The following KMT2C variants were observed in gnomAD, a reference collection of about 807,000 sequenced individuals.
KMT2C encodes the protein histone-lysine N-methyltransferase 2C.
In KMT2C, 88 loss-of-function variants were observed where a neutral mutation model predicts 507.9. The ratio of observed to expected loss-of-function variants is 0.17; its 90% CI spans 0.15 to 0.21. KMT2C has a LOEUF of 0.21. Ranked by LOEUF, KMT2C falls within the 10% of genes least tolerant of loss-of-function variation. The pLI is 1.00. For synonymous variants in KMT2C, 2,049 were observed against 2,080.8 expected, an observed-to-expected ratio of 0.98 and a Z score of 0.42; for missense variants, 4,954 against 5,957.8, an observed-to-expected ratio of 0.83 and a Z score of 5.55.
chr7:152,374,775 T>C (rs2097315806), intron 1 of KMT2C, among the ~76,000 whole-genome samples: 1 of 151,648 alleles, frequency 6.6e-6, no homozygotes. Context: ...GGCACACTCC[T>C]GTAATCCCAG....
intron 6 of KMT2C, among the ~76,000 whole-genome samples, chr7:152,307,448 C>T (rs1017253033): frequency 3.3e-5 from 5 of 152,022 alleles, no homozygotes; most frequent in Non-Finnish European, 7.4e-5. Flanking sequence ...CGACACAAAA[C>T]TGACACTCCT....
intron 10 of KMT2C, 29 bp from the exon 11 acceptor site, chr7:152,252,119 A>T (rs761529331): frequency 6.6e-7 from 1 of 1,520,112 alleles, no homozygotes; most frequent in Non-Finnish European, 8.9e-7. Flanking sequence ...TTAAATAAAA[A>T]TTTCTAACAT....
At chr7:152,234,778 C>T (rs1436954269) in intron 16 of KMT2C, among the ~76,000 whole-genome samples, 1 of 151,876 alleles carries the variant, frequency 6.6e-6, no homozygotes, top group Non-Finnish European at 1.5e-5. Context: ...TGGCACACAC[C>T]TATGGGCCCA....
rs751642955 is a variant in KMT2C, at chr7:152,167,298, C to T, written c.9598G>A (p.Glu3200Lys). 5.0e-6 allele frequency: 8 copies of T among 1,613,884 alleles called. No individual in the cohort carries two copies. The East Asian group carries it at 1.6e-4, about 31-fold the overall frequency. ...LLQMQQKYLEEQIGAHRKSKK... is the reference protein window; with the variant it reads ...LLQMQQKYLEKQIGAHRKSKK... ...GATTTTCTGTGAGCACCAATTTGTT[C>T]TTCAAGATACTTCTGCTGCATTTGA... is the stretch of plus-strand genomic sequence containing the variant. The change falls in exon 42 of 59, where the codon GAA becomes AAA. Residue 3200 changes from glutamate (E) to lysine (K), a missense_variant. Coordinates refer to ENST00000262189, the MANE Select transcript of KMT2C (RefSeq NM_170606.3).
rs762763756 is a variant in KMT2C at position 152,182,355 on chromosome 7, G to A, written c.5505C>T (p.Pro1835=). The change falls in exon 36 of 59, where the codon CCC becomes CCT. Residue 1835 remains proline (P), a synonymous_variant. Coordinates refer to ENST00000262189, the MANE Select transcript of KMT2C (RefSeq NM_170606.3). The part of the protein sequence containing the change: ...FHKELFTKQP[P]STPTSTSSDD... ...CTGAAGATGTAGACGTAGGGGTACT[G>A]GGTGGCTGTTTTGTAAACAGTTCTT... The A allele has an allele frequency of 1.9e-6, 3 of 1,613,662 alleles. No homozygotes were observed. Among genetic ancestry groups the A allele is most frequent in the Admixed American group, 1.7e-5 (1 of 59,938 alleles).
rs1180308637 is a variant in KMT2C, at chr7:152,163,222, G to A, written c.10355C>T (p.Pro3452Leu). Residue 3452 changes from proline to leucine, a missense_variant, in exon 43 of 59, where the codon CCC (proline) becomes CTC (leucine). Physicochemically the swap from Pro to Leu is moderately conservative, Grantham distance 98 (BLOSUM62 -3). Around this residue, in one of 29 missense-constraint regions of KMT2C, gnomAD observed 801 missense variants for 751.2 expected, o/e 1.07. Coordinates refer to ENST00000262189, the MANE Select transcript of KMT2C (RefSeq NM_170606.3). ...ACAAGGTAAGTCGGAACTGTAGAAG[G>A]GAATCTGGGACACAGATGTCCTACT... ...SSSRTSVSQI[P>L]FYSSDLPCDF... The A allele has an allele frequency of 9.3e-6, 15 of 1,614,130 alleles. No individual in the cohort carries two copies. Among genetic ancestry groups the A allele is most frequent in the Non-Finnish European group, 1.2e-5 (14 of 1,180,026 alleles).
At chr7:152,265,611 G>T (rs775951202) in intron 7 of KMT2C, among the ~76,000 whole-genome samples, 24 of 152,188 alleles carry the variant, frequency 1.6e-4, no homozygotes, top group Non-Finnish European at 2.1e-4. Flanking sequence ...TTCTTTGAAT[G>T]TTAAATATAT....
At chr7:152,251,714 C>T (rs1290943115) in intron 11 of KMT2C, among the ~76,000 whole-genome samples, 1 of 151,972 alleles carries the variant, frequency 6.6e-6, no homozygotes, top group Non-Finnish European at 1.5e-5. Flanking sequence ...ACACTAGACC[C>T]GGAATTCAAA....
In KMT2C at chr7:152,144,426, C is replaced by T. The variant is rs1054388000; in HGVS notation, c.14343+287G>A. ...AGCTCTACTGAGCACTCCACAAATC[C>T]AGTGTGTGCAAATTACAATGCTACC... On this transcript the variant is annotated intron_variant, in intron 55 of 58. Coordinates refer to ENST00000262189, the MANE Select transcript of KMT2C (RefSeq NM_170606.3). This position sits in a 1 kb window ranked among gnomAD's most constrained non-coding sequence, Gnocchi z 4.4. Among the ~76,000 whole-genome samples, 1 of 152,150 alleles carries T rather than the reference C, an allele frequency of 6.6e-6. No individual in the cohort carries two copies. Among genetic ancestry groups the T allele is most frequent in the Non-Finnish European group, 1.5e-5 (1 of 68,030 alleles).
chr7:152,136,920 C>T lies in KMT2C; in HGVS notation c.14648G>A (p.Cys4883Tyr). 6.2e-7 allele frequency: 1 copy of T among 1,611,470 alleles called. No individual in the cohort carries two copies. Among genetic ancestry groups the T allele is most frequent in the Non-Finnish European group, 8.5e-7 (1 of 1,179,208 alleles). The part of the protein sequence containing the change: ...SRRIQKGEEL[C>Y]YDYKFDFEDD... ...TTCAAAGTCAAACTTATAGTCATAG[C>T]AGAGCTGCCCACGGCAAAGACACAG... The change falls in exon 59 of 59, where the codon TGC (cysteine) becomes TAC (tyrosine). Residue 4883 changes from cysteine (C) to tyrosine (Y), a missense_variant. Cys to Tyr is a radical substitution (Grantham distance 194, BLOSUM62 -2). This residue lies in a region of KMT2C where 133 missense variants were observed against 258.9 expected (regional missense o/e 0.51). Coordinates refer to ENST00000262189, the MANE Select transcript of KMT2C (RefSeq NM_170606.3).
At chr7:152,322,326 G>A (rs888566389) in intron 3 of KMT2C, among the ~76,000 whole-genome samples, 3 of 151,852 alleles carry the variant, frequency 2.0e-5, no homozygotes, top group Non-Finnish European at 4.4e-5. Flanking sequence ...TCACACCACC[G>A]CACTCCAGCC....
At chr7:152,171,240 G>A (rs960892067) in intron 40 of KMT2C, 24 bp downstream of exon 40, 11 of 1,527,214 alleles carry the variant, frequency 7.2e-6, no homozygotes, top group Non-Finnish European at 9.9e-6. Flanking sequence ...GCATTCTAGA[G>A]GGACTCATTA....
intron 2 of KMT2C, among the ~76,000 whole-genome samples, chr7:152,352,520 G>A (rs566535219): frequency 4.6e-5 from 7 of 152,096 alleles, no homozygotes; most frequent in South Asian, 4.1e-4. Flanking sequence ...GGGGCATCAC[G>A]GAACCTACCA....
In KMT2C at chr7:152,144,994, A is replaced by C; in HGVS notation, c.14175-113T>G. ...TTCTTACTGACAGAAACATACATGG[A>C]AAGCTGCCTAGCAGAGACACACGGC... is the stretch of plus-strand genomic sequence containing the variant. On this transcript the variant is annotated intron_variant, in intron 54 of 58. Transcript: ENST00000262189. The surrounding 1 kb of genome is among the most constrained non-coding windows in gnomAD (Gnocchi z 4.4). 6.5e-6 allele frequency: 9 copies of C among 1,383,330 alleles called. No homozygotes were observed. Among genetic ancestry groups the C allele is most frequent in the Non-Finnish European group, 8.8e-6 (9 of 1,020,258 alleles). 85.7% of individuals were successfully genotyped at this position (1,383,330 alleles called of 1,614,324 possible).
At chr7:152,164,049 T>C (rs1272890551) in intron 42 of KMT2C, among the ~76,000 whole-genome samples, 1 of 152,208 alleles carries the variant, frequency 6.6e-6, no homozygotes, top group Non-Finnish European at 1.5e-5. Flanking sequence ...TAAAGTTATC[T>C]GTAAAAGTGC....
intron 1 of KMT2C, among the ~76,000 whole-genome samples, chr7:152,409,368 T>C (rs950334094): frequency 2.0e-5 from 3 of 152,016 alleles, no homozygotes; most frequent in African/African-American, 7.2e-5. Context: ...TTAAAAAATT[T>C]CTTCTAATGT....
rs540845654 is a variant in KMT2C at position 152,326,113 on chromosome 7, G to A, written c.389+4488C>T. Among the ~76,000 whole-genome samples, 3 of 152,158 alleles carry A rather than the reference G, an allele frequency of 2.0e-5. 1 individual carries two copies. In the South Asian group the frequency reaches 6.2e-4, roughly 32 times the overall value. ...TACAGCACTGACTTAATTTATTAGT[G>A]TGTTACAAAAAGTCTTAGTATCAAG... is the stretch of plus-strand genomic sequence containing the variant. On this transcript the variant is annotated intron_variant, in intron 3 of 58. Transcript: ENST00000262189.
At chr7:152,309,772 C>T (rs889870437) in intron 6 of KMT2C, among the ~76,000 whole-genome samples, 194 bp downstream of exon 6, 1 of 151,966 alleles carries the variant, frequency 6.6e-6, no homozygotes, top group East Asian at 1.9e-4. Context: ...CCACCCACCT[C>T]GGCCTCCCAA....
chr7:152,234,823 A>G (rs372949623), intron 16 of KMT2C, among the ~76,000 whole-genome samples: 3 of 151,974 alleles, frequency 2.0e-5, no homozygotes, highest in African/African-American at 7.3e-5. Flanking sequence ...GGTCGAAGCT[A>G]GAGTTAGCTA....
Sources: allele counts gnomAD v4.1 joint callset (sites outside exome capture counted in the v4.1 genomes callset), GRCh38; gene constraint gnomAD v4.1.1; regional missense constraint gnomAD v4.1.1; non-coding constraint Gnocchi (gnomAD v3.1); transcripts MANE v1.5; gene names NCBI Gene and HGNC (gene_info 2026-07-23, HGNC 2026-07-21).